The following CSMD3 variants were observed in gnomAD, a reference collection of about 807,000 sequenced individuals.
The protein encoded by CSMD3 is CUB and sushi domain-containing protein 3.
Under a neutral mutation model 435.2 loss-of-function variants are expected in CSMD3, and 177 were observed. The ratio of observed to expected loss-of-function variants is 0.41; its 90% CI spans 0.36 to 0.46. CSMD3 has a LOEUF of 0.46. Ranked by LOEUF, CSMD3 falls within the 20% of genes least tolerant of loss-of-function variation. The pLI is 0.34. For synonymous variants in CSMD3, 1,656 were observed against 1,520.5 expected (o/e 1.09, Z -2.07); for missense variants, 4,265 against 4,504.6 (o/e 0.95, Z 1.52).
chr8:113,198,815 T>C (rs991198875), intron 3 of CSMD3, among the ~76,000 whole-genome samples: 1 of 151,218 alleles, frequency 6.6e-6, no homozygotes, highest in Non-Finnish European at 1.5e-5. Context: ...TTAATATAAT[T>C]AATACCTTGT....
intron 4 of CSMD3, among the ~76,000 whole-genome samples, chr8:113,112,473 G>C (rs1265657883): frequency 1.1e-4 from 2 of 17,974 alleles, no homozygotes; most frequent in Non-Finnish European, 1.9e-4. Context: ...ACACACACAC[G>C]TACACACACA....
chr8:113,234,442 G>C (rs2093125120), intron 3 of CSMD3, among the ~76,000 whole-genome samples: 1 of 152,020 alleles, frequency 6.6e-6, no homozygotes, highest in Admixed American at 6.6e-5. Flanking sequence ...TAAACGTTAT[G>C]ACCTTAGAAA....
At chr8:112,575,236 A>G (rs1483234345) in intron 23 of CSMD3, among the ~76,000 whole-genome samples, 4 of 152,016 alleles carry the variant, frequency 2.6e-5, no homozygotes, top group Admixed American at 1.3e-4. Context: ...CATTTTCTAC[A>G]CAGAAATTCT....
At chr8:112,690,174 C>T in intron 13 of CSMD3, 124 bp from the exon 14 acceptor site, 8 of 732,088 alleles carry the variant, frequency 1.1e-5, no homozygotes, top group Non-Finnish European at 1.6e-5. Flanking sequence ...TAAATATATT[C>T]TCCAATCTTT....
intron 13 of CSMD3, among the ~76,000 whole-genome samples, chr8:112,708,142 T>C (rs4876489): frequency 0.38 from 57,313 of 151,550 alleles, 12,142 homozygotes; most frequent in African/African-American, 0.58. Flanking sequence ...AGTGTAGGGA[T>C]GATTATAGGA....
intron 35 of CSMD3, among the ~76,000 whole-genome samples, chr8:112,397,760 G>C (rs1382240178): frequency 6.6e-6 from 1 of 152,122 alleles, no homozygotes; most frequent in Admixed American, 6.5e-5. Context: ...CATCTTATGG[G>C]TTAGGATTCT....
At chr8:112,619,279 C>T (rs975937837) in intron 22 of CSMD3, among the ~76,000 whole-genome samples, 3 of 151,596 alleles carry the variant, frequency 2.0e-5, no homozygotes, top group African/African-American at 7.3e-5. Context: ...ATTTTTGGCT[C>T]AGATTACATA....
At position 112,912,255 on chromosome 8, in the gene CSMD3, A is replaced by AT. The variant is rs145333195; in HGVS notation, c.1633+9371dup. Among the ~76,000 whole-genome samples, 256 of 149,110 alleles carry AT rather than the reference A, an allele frequency of 1.7e-3. 2 individuals are homozygous for AT. Among genetic ancestry groups the AT allele is most frequent in the African/African-American group, 4.9e-3 (200 of 40,708 alleles). On this transcript the variant is annotated intron_variant, in intron 10 of 70. Coordinates refer to ENST00000297405, the MANE Select transcript of CSMD3 (RefSeq NM_198123.2). ...GATATGTCTTGGACATACTGCTTTC[A>AT]TTTTTTTTTGGATAAATATCTAGTA... is the stretch of plus-strand genomic sequence containing the variant.
At chr8:112,525,317 A>G (rs939936268) in intron 27 of CSMD3, among the ~76,000 whole-genome samples, 14 of 149,660 alleles carry the variant, frequency 9.4e-5, no homozygotes, top group Middle Eastern at 3.5e-3. Flanking sequence ...AATTATATAC[A>G]AAATAAATTT....
chr8:112,269,411 G>A (rs895824630), intron 59 of CSMD3, among the ~76,000 whole-genome samples: 1 of 152,208 alleles, frequency 6.6e-6, no homozygotes, highest in African/African-American at 2.4e-5. Flanking sequence ...GATGCAGGAT[G>A]TTGGGGGTTG....
intron 17 of CSMD3, 148 bp from the exon 18 acceptor site, chr8:112,656,489 T>C (rs2075261322): frequency 3.5e-6 from 2 of 564,686 alleles, no homozygotes; most frequent in Admixed American, 3.5e-5. Flanking sequence ...TAAGATATCA[T>C]TTAAGACACC....
intron 10 of CSMD3, among the ~76,000 whole-genome samples, chr8:112,913,765 A>G (rs2082495107): frequency 6.7e-6 from 1 of 150,112 alleles, no homozygotes; most frequent in African/African-American, 2.5e-5. Context: ...TCTATCTTTA[A>G]TGTCTTACAT....
At chr8:112,953,758 T>C (rs1391844153) in intron 8 of CSMD3, among the ~76,000 whole-genome samples, 1 of 151,520 alleles carries the variant, frequency 6.6e-6, no homozygotes, top group East Asian at 1.9e-4. Flanking sequence ...ATAGCTATAA[T>C]AAATGATTTT....
intron 3 of CSMD3, among the ~76,000 whole-genome samples, chr8:113,257,753 T>C (rs1197219980): frequency 1.3e-5 from 2 of 152,246 alleles, no homozygotes; most frequent in African/African-American, 4.8e-5. Flanking sequence ...GCCATTCTAC[T>C]GTGGCAAATT....
At chr8:112,670,585 T>C (rs1194137394) in intron 16 of CSMD3, among the ~76,000 whole-genome samples, 1 of 152,020 alleles carries the variant, frequency 6.6e-6, no homozygotes, top group Non-Finnish European at 1.5e-5. Flanking sequence ...TACAAGGTAT[T>C]TAGGAAGGAG....
intron 30 of CSMD3, among the ~76,000 whole-genome samples, chr8:112,501,921 C>T (rs557056113): frequency 6.6e-6 from 1 of 151,506 alleles, no homozygotes; most frequent in Non-Finnish European, 1.5e-5. Context: ...ATTTAAGGGG[C>T]CAAATCAATT....
intron 11 of CSMD3, among the ~76,000 whole-genome samples, chr8:112,847,091 A>C (rs985707559): frequency 1.3e-5 from 2 of 151,998 alleles, no homozygotes; most frequent in African/African-American, 4.8e-5. Context: ...AAGACTGCCA[A>C]CCTGGCTTTA....
At chr8:113,195,958 T>TTGGCA (rs2092650577) in intron 3 of CSMD3, among the ~76,000 whole-genome samples, 1 of 150,522 alleles carries the variant, frequency 6.6e-6, no homozygotes, top group Non-Finnish European at 1.5e-5. Flanking sequence ...CTCATACAGA[T>TTGGCA]ATTAGAGGAC....
At chr8:113,142,865 A>AAT (rs60270302) in intron 4 of CSMD3, among the ~76,000 whole-genome samples, 4,208 of 144,950 alleles carry the variant, frequency 0.029, 75 homozygotes, top group Middle Eastern at 0.054. Flanking sequence ...GAACTCCTTA[A>AAT]ATATATATAT....
Sources: allele counts gnomAD v4.1 joint callset (sites outside exome capture counted in the v4.1 genomes callset), GRCh38; gene constraint gnomAD v4.1.1; transcripts MANE v1.5; gene names NCBI Gene and HGNC (gene_info 2026-07-23, HGNC 2026-07-21).